Variants in HELQ observed in about 807,000 individuals in gnomAD.
HELQ encodes the protein helicase POLQ-like.
Under a neutral mutation model 111.6 loss-of-function variants are expected in HELQ, and 77 were observed. That is an observed-to-expected ratio of 0.69 (90% confidence interval 0.57 to 0.83). HELQ has a LOEUF of 0.83. HELQ is among the 40% of genes least tolerant of loss of function. The probability of loss-of-function intolerance (pLI) is 0.00; values close to 1 mark genes in which losing one functional copy is unlikely to be tolerated. For missense variants in HELQ, 1,200 were observed against 1,288.5 expected (o/e 0.93, Z 1.05); for synonymous variants, 438 against 454.7 (o/e 0.96, Z 0.47).
chr4:83,408,782 C>T (rs1161487468), intron 17 of HELQ, among the ~76,000 whole-genome samples: 1 of 151,008 alleles, frequency 6.6e-6, no homozygotes, highest in African/African-American at 2.4e-5. Flanking sequence ...AAAAAAAACA[C>T]ATGAACAAGA....
In HELQ at chr4:83,431,773, A is replaced by G. The variant is rs911226090; in HGVS notation, c.2191-5T>C. ...TTTAGTTATTAACTCCAATACCTAT[A>G]AAGGTTAAAGCAAAACCATGCCTTG... On this transcript the variant is annotated splice_region_variant and splice_polypyrimidine_tract_variant and intron_variant, in intron 10 of 17. Coordinates refer to ENST00000295488, the MANE Select transcript of HELQ (RefSeq NM_133636.5). 3 of 1,275,342 alleles carry G rather than the reference A, an allele frequency of 2.4e-6. No individual in the cohort carries two copies. The highest frequency in any genetic ancestry group is 1.1e-6 in the Non-Finnish European group (1 of 935,658). The allele number at this position is 1,275,342 out of a possible 1,614,324, so 79.0% of individuals were successfully genotyped here.
chr4:83,435,959 A>G (rs2109993752), intron 9 of HELQ, among the ~76,000 whole-genome samples: 1 of 131,258 alleles, frequency 7.6e-6, no homozygotes, highest in African/African-American at 3.1e-5. Context: ...GAATGGAAAA[A>G]GGTACATACG....
chr4:83,450,222 TAAAAAAAAAAAAA>T (rs71668650), intron 2 of HELQ, among the ~76,000 whole-genome samples: 12 of 45,608 alleles, frequency 2.6e-4, no homozygotes, highest in South Asian at 3.6e-3. Context: ...CAGTTAAGTT[TAAAAAAAAAAAAA>T]AAAAAAAAAA....
chr4:83,408,739 A>G (rs1738929755), intron 17 of HELQ, among the ~76,000 whole-genome samples: 1 of 151,628 alleles, frequency 6.6e-6, no homozygotes, highest in Admixed American at 6.6e-5. Flanking sequence ...GCTCCCACCC[A>G]AGTGTTTGCA....
intron 14 of HELQ, among the ~76,000 whole-genome samples, chr4:83,422,225 A>C (rs1031334128): frequency 6.6e-6 from 1 of 152,116 alleles, no homozygotes; most frequent in African/African-American, 2.4e-5. Flanking sequence ...TCTCAAAAAA[A>C]TAAAAATAAA....
chr4:83,440,154 G>A, intron 7 of HELQ, 146 bp from the exon 8 acceptor site: 1 of 604,154 alleles, frequency 1.7e-6, no homozygotes, highest in East Asian at 3.3e-5. Flanking sequence ...AAGAAAAGAT[G>A]AAATCTATAT....
intron 15 of HELQ, among the ~76,000 whole-genome samples, chr4:83,420,148 C>G (rs1005588795): frequency 6.6e-6 from 1 of 152,100 alleles, no homozygotes; most frequent in African/African-American, 2.4e-5. Context: ...GATGTAAAAG[C>G]CTGGTAAGCT....
chr4:83,445,834 C>A (rs909905353), intron 5 of HELQ, among the ~76,000 whole-genome samples, 180 bp downstream of exon 5: 2 of 152,248 alleles, frequency 1.3e-5, no homozygotes, highest in Admixed American at 6.5e-5. Context: ...TAATAGAGGA[C>A]TTCTTCAAAT....
chr4:83,431,524 GA>G, intron 11 of HELQ, 139 bp downstream of exon 11: 1 of 325,758 alleles, frequency 3.1e-6, no homozygotes, highest in Non-Finnish European at 5.5e-6. Context: ...AAATTAAAAA[GA>G]AAAAAATTAA....
At chr4:83,425,590 AC>A (rs1719805283) in intron 14 of HELQ, among the ~76,000 whole-genome samples, 1 of 152,184 alleles carries the variant, frequency 6.6e-6, no homozygotes, top group Non-Finnish European at 1.5e-5. Flanking sequence ...TAAGTACTAG[AC>A]TAGGAGTTCT....
intron 8 of HELQ, among the ~76,000 whole-genome samples, chr4:83,438,907 C>G (rs1316298630): frequency 6.6e-6 from 1 of 152,096 alleles, no homozygotes; most frequent in East Asian, 1.9e-4. Flanking sequence ...AAAATGATAT[C>G]TGGGTGTCAC....
chr4:83,420,005 C>T (rs1739583060), intron 15 of HELQ, among the ~76,000 whole-genome samples: 1 of 151,808 alleles, frequency 6.6e-6, no homozygotes, highest in African/African-American at 2.4e-5. Context: ...ATTTAGAAAA[C>T]AATTCATGGG....
intron 9 of HELQ, among the ~76,000 whole-genome samples, chr4:83,435,293 A>C (rs1019377986): frequency 8.5e-5 from 13 of 152,156 alleles, no homozygotes; most frequent in South Asian, 8.3e-4. Flanking sequence ...ATTATTATAC[A>C]CCATGACAAA....
At position 83,447,465 on chromosome 4, in the gene HELQ, G is replaced by T. The variant is rs542385136; in HGVS notation, c.1192-430C>A. Among the ~76,000 whole-genome samples, 8 of 152,328 alleles carry T rather than the reference G, an allele frequency of 5.3e-5. 1 individual carries two copies. In the South Asian group the frequency reaches 1.7e-3, roughly 32 times the overall value. ...ACCCATCAACAGGAACAAGGTCACAGGCAAGACATACGTAAGAAATGCTGT... is the reference window on the plus strand; with the variant it reads ...ACCCATCAACAGGAACAAGGTCACATGCAAGACATACGTAAGAAATGCTGT... On this transcript the variant is annotated intron_variant, in intron 3 of 17. Coordinates refer to ENST00000295488, the MANE Select transcript of HELQ (RefSeq NM_133636.5).
At chr4:83,453,978 T>G in intron 1 of HELQ, 33 bp from the exon 2 acceptor site, 1 of 1,260,422 alleles carries the variant, frequency 7.9e-7, no homozygotes, top group Non-Finnish European at 1.1e-6. Context: ...TATGGTCAAT[T>G]CCAGTTTCAT....
rs923306500 is a variant in HELQ, at chr4:83,455,780, C to T, written c.-87G>A. 7.6e-7 allele frequency: 1 copy of T among 1,315,108 alleles called. No homozygotes were observed. The highest frequency in any genetic ancestry group is 1.5e-5 in the African/African-American group (1 of 68,386). The allele number at this position is 1,315,108 out of a possible 1,614,324, so 81.5% of individuals were successfully genotyped here. ...GGAAGGGAGAGTGGGACGCCGGAGC[C>T]CGCTTCTACATCCACCTTGGGAAAA... On this transcript the variant is annotated 5_prime_UTR_variant, in exon 1 of 18. Transcript: ENST00000295488.
At chr4:83,442,930 T>C (rs1720854374) in intron 6 of HELQ, among the ~76,000 whole-genome samples, 1 of 152,134 alleles carries the variant, frequency 6.6e-6, no homozygotes, top group South Asian at 2.1e-4. Flanking sequence ...GAAAAACTAT[T>C]GAGGCACAAA....
chr4:83,449,037 A>G, intron 2 of HELQ, 76 bp from the exon 3 acceptor site: 1 of 1,048,230 alleles, frequency 9.5e-7, no homozygotes, highest in Non-Finnish European at 1.4e-6. Flanking sequence ...AAGAAAAAAA[A>G]TCAAATCCCT....
intron 10 of HELQ, 42 bp downstream of exon 10, chr4:83,432,084 A>C (rs1226405292): frequency 4.2e-6 from 6 of 1,433,066 alleles, no homozygotes; most frequent in Non-Finnish European, 5.6e-6. Flanking sequence ...CCAACAACCA[A>C]GAAAAAGACA....
Sources: gnomAD v4.1 joint callset for allele counts (sites outside exome capture counted in the v4.1 genomes callset) on GRCh38, gnomAD v4.1.1 for gene constraint, MANE v1.5 for transcripts, NCBI Gene and HGNC (gene_info 2026-07-23, HGNC 2026-07-21) for gene names.